NBEA: variants seen among roughly 807,000 people sequenced by gnomAD.
NBEA encodes neurobeachin, also known as lysosomal-trafficking regulator 2.
In NBEA, 44 loss-of-function variants were observed where a neutral mutation model predicts 343.4. The ratio of observed to expected loss-of-function variants is 0.13; its 90% CI spans 0.10 to 0.16. The LOEUF is 0.16. Ranked by LOEUF, NBEA falls within the 10% of genes least tolerant of loss-of-function variation. NBEA has a pLI of 1.00. For missense variants in NBEA, 2,555 were observed against 3,631.3 expected, an observed-to-expected ratio of 0.70 and a Z score of 7.62; for synonymous variants, 1,175 against 1,238.7, an observed-to-expected ratio of 0.95 and a Z score of 1.08.
chr13:35,165,891 G>A (rs2152717370), intron 24 of NBEA, among the ~76,000 whole-genome samples: 1 of 151,856 alleles, frequency 6.6e-6, no homozygotes, highest in East Asian at 1.9e-4. Flanking sequence ...CACTATGTTG[G>A]CCAGGCTGGT....
At chr13:35,139,757 T>TGTTG (rs1322235190) in intron 17 of NBEA, among the ~76,000 whole-genome samples, 2 of 135,834 alleles carry the variant, frequency 1.5e-5, no homozygotes, top group Non-Finnish European at 3.2e-5. Context: ...TTTTTTTTTT[T>TGTTG]TTTTTTTTTT....
chr13:35,032,907 C>T (rs998479447), intron 1 of NBEA, among the ~76,000 whole-genome samples: 3 of 151,710 alleles, frequency 2.0e-5, no homozygotes, highest in Admixed American at 6.6e-5. Context: ...GTTATTAATC[C>T]GTTGTCAGAT....
intron 1 of NBEA, among the ~76,000 whole-genome samples, chr13:34,993,374 G>A (rs1314631779): frequency 6.6e-6 from 1 of 152,066 alleles, no homozygotes. Flanking sequence ...GTTTAACCTT[G>A]CTACAATGTA....
intron 38 of NBEA, among the ~76,000 whole-genome samples, chr13:35,404,713 C>G (rs1323917430): frequency 6.6e-6 from 1 of 150,878 alleles, no homozygotes; most frequent in Non-Finnish European, 1.5e-5. Context: ...TGTAACTAAC[C>G]TGCACATTGT....
In NBEA at chr13:34,954,566, A is replaced by G. The variant is rs73490320; in HGVS notation, c.294+11452A>G. On this transcript the variant is annotated intron_variant, in intron 1 of 58. Coordinates refer to ENST00000379939, the MANE Select transcript of NBEA (RefSeq NM_001385012.1). ...TTTAACATTTCAGTTTTTATTTTTG[A>G]GTGGGGGATGATTGGTGTACCTACA... Among the ~76,000 whole-genome samples the G allele has an allele frequency of 6.5e-3, 988 of 151,884 alleles. 10 individuals carry two copies. The highest frequency in any genetic ancestry group is 0.023 in the African/African-American group (942 of 41,424).
At chr13:35,046,901 T>C (rs377172181) in intron 4 of NBEA, among the ~76,000 whole-genome samples, 1 of 152,232 alleles carries the variant, frequency 6.6e-6, no homozygotes, top group East Asian at 1.9e-4. Context: ...ATGAGCATTT[T>C]TTCATGTGTT....
chr13:35,422,766 C>T lies in NBEA; in HGVS notation c.6180-9503C>T, dbSNP rs561436119. ...TTGAACTAGTTTACAGTCCCACCAA[C>T]GTGTAAAAGTGTTCCTATTTCTCCA... On this transcript the variant is annotated intron_variant, in intron 38 of 58. Coordinates refer to ENST00000379939, the MANE Select transcript of NBEA (RefSeq NM_001385012.1). Among the ~76,000 whole-genome samples the T allele has an allele frequency of 1.8e-4, 28 of 152,194 alleles. No individual in the cohort carries two copies. The East Asian group carries it at 4.6e-3, about 25-fold the overall frequency.
chr13:35,413,955 A>G (rs2043742726), intron 38 of NBEA, among the ~76,000 whole-genome samples: 1 of 152,176 alleles, frequency 6.6e-6, no homozygotes, highest in Non-Finnish European at 1.5e-5. Flanking sequence ...AGTATAAGCT[A>G]GCAAATCCAA....
At chr13:35,092,237 T>C (rs1363442103) in intron 10 of NBEA, among the ~76,000 whole-genome samples, 2 of 151,954 alleles carry the variant, frequency 1.3e-5, no homozygotes, top group African/African-American at 4.8e-5. Context: ...AACAAAAAAC[T>C]AAGTCTAAAT....
intron 41 of NBEA, among the ~76,000 whole-genome samples, chr13:35,505,555 T>G (rs979886114): frequency 1.3e-5 from 2 of 152,208 alleles, no homozygotes; most frequent in African/African-American, 4.8e-5. Context: ...ACTGTTATAT[T>G]AGGGATACAT....
At chr13:35,517,997 T>C (rs1370966194) in intron 41 of NBEA, among the ~76,000 whole-genome samples, 1 of 152,210 alleles carries the variant, frequency 6.6e-6, no homozygotes, top group African/African-American at 2.4e-5. Context: ...ATTAACCTTT[T>C]GATTATTTGA....
At chr13:35,031,917 G>T (rs1307555685) in intron 1 of NBEA, among the ~76,000 whole-genome samples, 4 of 151,620 alleles carry the variant, frequency 2.6e-5, no homozygotes, top group Non-Finnish European at 4.4e-5. Flanking sequence ...TTCTGTTCCT[G>T]CATTAGTTTG....
At chr13:35,560,162 C>A (rs750802288) in intron 44 of NBEA, among the ~76,000 whole-genome samples, 1 of 151,988 alleles carries the variant, frequency 6.6e-6, no homozygotes, top group Non-Finnish European at 1.5e-5. Flanking sequence ...TGGCCCAAGT[C>A]ATAGGGCTAA....
At chr13:35,396,552 T>C (rs555850849) in intron 38 of NBEA, among the ~76,000 whole-genome samples, 1 of 152,140 alleles carries the variant, frequency 6.6e-6, no homozygotes, top group Non-Finnish European at 1.5e-5. Flanking sequence ...CTTGAAACCA[T>C]ATAGATTCAT....
chr13:34,966,857 G>C (rs2059837135), intron 1 of NBEA, among the ~76,000 whole-genome samples: 1 of 151,644 alleles, frequency 6.6e-6, no homozygotes, highest in Non-Finnish European at 1.5e-5. Context: ...GATGAGGTTT[G>C]CATATTCATG....
chr13:35,048,961 T>C (rs1426284873), intron 5 of NBEA, among the ~76,000 whole-genome samples: 4 of 151,904 alleles, frequency 2.6e-5, no homozygotes, highest in Non-Finnish European at 5.9e-5. Context: ...CTTCAATGTA[T>C]ATCAGTTGTG....
At chr13:35,644,415 C>A (rs1029773067) in intron 49 of NBEA, among the ~76,000 whole-genome samples, 3 of 151,586 alleles carry the variant, frequency 2.0e-5, no homozygotes, top group Non-Finnish European at 4.4e-5. Flanking sequence ...TTTTCTAGTA[C>A]AATGTTAATA....
At chr13:35,488,875 T>A (rs759717112) in intron 41 of NBEA, among the ~76,000 whole-genome samples, 1 of 151,740 alleles carries the variant, frequency 6.6e-6, no homozygotes, top group Non-Finnish European at 1.5e-5. Context: ...AAATACATTG[T>A]TGGAAAAAAC....
chr13:35,588,700 A>G (rs1049194199), intron 46 of NBEA, among the ~76,000 whole-genome samples: 3 of 152,170 alleles, frequency 2.0e-5, no homozygotes, highest in African/African-American at 7.2e-5. Context: ...TCAGATATTA[A>G]TATTAAAAGA....
Sources: gnomAD v4.1 joint callset for allele counts (sites outside exome capture counted in the v4.1 genomes callset) on GRCh38, gnomAD v4.1.1 for gene constraint, MANE v1.5 for transcripts, NCBI Gene and HGNC (gene_info 2026-07-23, HGNC 2026-07-21) for gene names.